The following LPP variants were observed in gnomAD, a reference collection of about 807,000 sequenced individuals.
LPP encodes lipoma-preferred partner.
Under a neutral mutation model 60.4 loss-of-function variants are expected in LPP, and 38 were observed. The observed-to-expected ratio is 0.63, with a 90% CI of 0.49 to 0.83. LPP has a LOEUF of 0.83. Among genes scored for constraint, LPP ranks in the 40% least tolerant of loss-of-function variants. LPP has a pLI of 0.00. For missense variants in LPP, 902 were observed against 783.6 expected, an observed-to-expected ratio of 1.15 and a Z score of -1.80; for synonymous variants, 328 against 290.8, an observed-to-expected ratio of 1.13 and a Z score of -1.30.
chr3:188,273,566 A>G (rs1738550282), intron 2 of LPP, among the ~76,000 whole-genome samples: 1 of 139,478 alleles, frequency 7.2e-6, no homozygotes. Flanking sequence ...TGATAAGTCC[A>G]CCTTGACTTG....
rs753567229 is a variant in LPP, at chr3:188,484,673, C to A, written c.275C>A (p.Pro92Gln). ...PSISGNFPPP[P>Q]PLDEEAFKVQ... ...ATCTCTGGAAACTTTCCTCCTCCACCACCTCTTGATGAAGAGGCTTTCAAA... is the reference window on the plus strand; with the variant it reads ...ATCTCTGGAAACTTTCCTCCTCCACAACCTCTTGATGAAGAGGCTTTCAAA... The change falls in exon 5 of 12, where the codon CCA becomes CAA. Residue 92 changes from proline (P) to glutamine (Q), a missense_variant. Transcript: ENST00000617246. The A allele has an allele frequency of 1.2e-6, 2 of 1,613,404 alleles. No homozygotes were observed. The highest frequency in any genetic ancestry group is 1.7e-6 in the Non-Finnish European group (2 of 1,179,426).
intron 8 of LPP, chr3:188,709,917 ATT>A (rs926614077): frequency 7.9e-5 from 12 of 152,192 alleles, no homozygotes; most frequent in African/African-American, 2.9e-4. Context: ...ACTCTTTTAA[ATT>A]TTTATACTAG....
chr3:188,310,285 T>C (rs2150255717), intron 2 of LPP, among the ~76,000 whole-genome samples: 1 of 151,908 alleles, frequency 6.6e-6, no homozygotes. Flanking sequence ...ACAAGAAAGA[T>C]AACTTTGTCT....
At chr3:188,196,593 A>G (rs991881517) in intron 1 of LPP, among the ~76,000 whole-genome samples, 3 of 151,912 alleles carry the variant, frequency 2.0e-5, no homozygotes, top group Non-Finnish European at 4.4e-5. Flanking sequence ...ACCCTCATCC[A>G]TCCTATTCTC....
At chr3:188,194,853 C>T (rs534667268) in intron 1 of LPP, among the ~76,000 whole-genome samples, 13 of 152,240 alleles carry the variant, frequency 8.5e-5, no homozygotes, top group South Asian at 6.2e-4. Context: ...GTTATATACC[C>T]GTCTATGGTA....
intron 8 of LPP, among the ~76,000 whole-genome samples, chr3:188,735,543 G>A (rs147816002): frequency 0.011 from 1,735 of 151,706 alleles, 25 homozygotes; most frequent in African/African-American, 0.04. Flanking sequence ...CACCGTGCCC[G>A]GCTAATTTTT....
chr3:188,368,231 G>A (rs1771796207), intron 3 of LPP, among the ~76,000 whole-genome samples: 1 of 152,140 alleles, frequency 6.6e-6, no homozygotes, highest in African/African-American at 2.4e-5. Flanking sequence ...GCAAAACTTT[G>A]TTGGCTTCTG....
At chr3:188,600,256 A>G (rs1840860486) in intron 6 of LPP, among the ~76,000 whole-genome samples, 1 of 148,652 alleles carries the variant, frequency 6.7e-6, no homozygotes, top group Non-Finnish European at 1.5e-5. Context: ...TAAGAAATGT[A>G]TAATATATAC....
chr3:188,271,846 G>C (rs1424021213), intron 2 of LPP, among the ~76,000 whole-genome samples: 1 of 152,174 alleles, frequency 6.6e-6, no homozygotes, highest in African/African-American at 2.4e-5. Flanking sequence ...TTTAATGGCA[G>C]CTGATGTCCC....
chr3:188,157,465 G>T (rs1716838661), intron 1 of LPP, among the ~76,000 whole-genome samples: 2 of 152,026 alleles, frequency 1.3e-5, no homozygotes, highest in African/African-American at 4.8e-5. Flanking sequence ...TTTGTACACG[G>T]GTAGAGTGTA....
chr3:188,538,062 A>G (rs1824119004), intron 6 of LPP, among the ~76,000 whole-genome samples: 1 of 152,372 alleles, frequency 6.6e-6, no homozygotes, highest in Admixed American at 6.5e-5. Context: ...TGGACTCCCT[A>G]CCTCATAGTG....
intron 6 of LPP, among the ~76,000 whole-genome samples, chr3:188,582,154 CTTTTTTT>C (rs10565240): frequency 5.3e-4 from 54 of 102,246 alleles, no homozygotes; most frequent in Non-Finnish European, 8.2e-4. Flanking sequence ...TTTTCTTTTT[CTTTTTTT>C]TTTTTTTTTT....
intron 9 of LPP, among the ~76,000 whole-genome samples, chr3:188,789,231 AT>A (rs1742909464): frequency 6.6e-6 from 1 of 152,228 alleles, no homozygotes; most frequent in Admixed American, 6.5e-5. Context: ...AACCAAAAAA[AT>A]AAGTGTGACA....
chr3:188,750,340 T>C (rs1474717050), intron 8 of LPP, among the ~76,000 whole-genome samples: 1 of 152,202 alleles, frequency 6.6e-6, no homozygotes, highest in African/African-American at 2.4e-5. Flanking sequence ...CATATTGGTT[T>C]ACTATCCAAG....
At chr3:188,494,200 G>A (rs1809260391) in intron 5 of LPP, among the ~76,000 whole-genome samples, 1 of 152,162 alleles carries the variant, frequency 6.6e-6, no homozygotes, top group South Asian at 2.1e-4. Flanking sequence ...GACCAGCAAG[G>A]TTAATCTGGG....
chr3:188,591,428 G>A (rs1217675506), intron 6 of LPP, among the ~76,000 whole-genome samples: 2 of 152,166 alleles, frequency 1.3e-5, no homozygotes, highest in Non-Finnish European at 2.9e-5. Context: ...AAACCAGCCA[G>A]TGGATCTCAT....
intron 4 of LPP, among the ~76,000 whole-genome samples, chr3:188,407,133 G>A (rs1021362662): frequency 1.6e-4 from 24 of 151,458 alleles, no homozygotes; most frequent in African/African-American, 3.9e-4. Flanking sequence ...GAGAGAAGAG[G>A]CAGTGAAAGG....
intron 2 of LPP, among the ~76,000 whole-genome samples, chr3:188,321,061 C>T (rs921823647): frequency 4.6e-5 from 7 of 152,214 alleles, no homozygotes; most frequent in African/African-American, 1.4e-4. Flanking sequence ...CAGTGTCCTG[C>T]AGTCTCTTGG....
At chr3:188,753,924 C>G (rs549736572) in intron 8 of LPP, among the ~76,000 whole-genome samples, 3 of 152,230 alleles carry the variant, frequency 2.0e-5, no homozygotes, top group East Asian at 1.9e-4. Context: ...AGTGACAGAA[C>G]TACATGTGTC....
Sources: gnomAD v4.1 joint callset for allele counts (sites outside exome capture counted in the v4.1 genomes callset) on GRCh38, gnomAD v4.1.1 for gene constraint, MANE v1.5 for transcripts, NCBI Gene and HGNC (gene_info 2026-07-23, HGNC 2026-07-21) for gene names.